The following TOM1L2 variants were observed in gnomAD, a reference collection of about 807,000 sequenced individuals.
TOM1L2 encodes TOM1-like protein 2.
A neutral mutation model predicts 67.9 loss-of-function variants in TOM1L2; 31 were observed. The ratio of observed to expected loss-of-function variants is 0.46; its 90% CI spans 0.34 to 0.62. The LOEUF is 0.62. Ranked by LOEUF, TOM1L2 falls within the 20% of genes least tolerant of loss-of-function variation. TOM1L2 has a pLI of 0.01. For missense variants in TOM1L2, 606 were observed against 663.5 expected, an observed-to-expected ratio of 0.91 and a Z score of 0.95; for synonymous variants, 256 against 254.0, an observed-to-expected ratio of 1.01 and a Z score of -0.07.
At chr17:17,860,404 A>C (rs533597780) in intron 12 of TOM1L2, among the ~76,000 whole-genome samples, 3 of 152,364 alleles carry the variant, frequency 2.0e-5, no homozygotes, top group African/African-American at 7.2e-5. Context: ...TCTGGTGACC[A>C]GTGCAGAGGG....
chr17:17,901,949 C>T (rs1311940422), intron 2 of TOM1L2, among the ~76,000 whole-genome samples: 2 of 152,150 alleles, frequency 1.3e-5, no homozygotes, highest in Admixed American at 1.3e-4. Flanking sequence ...TTTAGAAGCC[C>T]AAGGCAGGTG....
At chr17:17,894,963 ACATACATACATACATGCATG>A (rs2038484303) in intron 3 of TOM1L2, among the ~76,000 whole-genome samples, 1 of 141,604 alleles carries the variant, frequency 7.1e-6, no homozygotes, top group Admixed American at 6.8e-5. Context: ...ATACATACAT[ACATACATACATACATGCATG>A]CATGCATGCA....
chr17:17,853,067 T>A (rs1208078256), intron 12 of TOM1L2, among the ~76,000 whole-genome samples: 1 of 152,116 alleles, frequency 6.6e-6, no homozygotes, highest in Non-Finnish European at 1.5e-5. Flanking sequence ...TAGGGTACAC[T>A]GCTACTCTGT....
intron 6 of TOM1L2, 136 bp downstream of exon 6, chr17:17,882,569 G>C: frequency 8.3e-7 from 1 of 1,201,398 alleles, no homozygotes; most frequent in Non-Finnish European, 1.2e-6. Context: ...CTCTCCCCTG[G>C]GGATTGAGCC....
rs1182027591 is a variant in TOM1L2 at position 17,882,711 on chromosome 17, T to G, written c.654A>C (p.Ser218=). ...LSVTGPITAN[S]EQIARLRSEL... ...CCCCGAAGTATGCAAGTACCTGTTC[T>G]GAATTGGCTGTGATGGGGCCAGTCA... Residue 218 remains serine, a synonymous_variant, in exon 6 of 15, where the codon TCA becomes TCC. Coordinates refer to ENST00000379504, the MANE Select transcript of TOM1L2 (RefSeq NM_001082968.2). 6.2e-7 allele frequency: 1 copy of G among 1,614,162 alleles called. No individual in the cohort carries two copies. The highest frequency in any genetic ancestry group is 1.1e-5 in the South Asian group (1 of 91,088).
intron 12 of TOM1L2, chr17:17,859,706 C>A (rs1410568228): frequency 6.6e-6 from 1 of 152,176 alleles, no homozygotes; most frequent in African/African-American, 2.4e-5. Flanking sequence ...TATAGTGAAA[C>A]CCTGTCTCTA....
rs183123479 is a variant in TOM1L2 at position 17,877,640 on chromosome 17, G to A, written c.777+1987C>T. ...AGCCAGGACGGCTGTGTCTGTTCAC[G>A]GCTGTCCACAGTGCTGCCCAGCTCC... is the stretch of plus-strand genomic sequence containing the variant. On this transcript the variant is annotated intron_variant, in intron 7 of 14. Coordinates refer to ENST00000379504, the MANE Select transcript of TOM1L2 (RefSeq NM_001082968.2). 7.0e-3 allele frequency among the ~76,000 whole-genome samples: 1,069 copies of A among 152,200 alleles called. 8 individuals carry two copies. Among genetic ancestry groups the A allele is most frequent in the South Asian group, 0.013 (60 of 4,800 alleles).
intron 2 of TOM1L2, among the ~76,000 whole-genome samples, chr17:17,901,130 T>TA (rs2038833229): frequency 6.6e-6 from 1 of 152,184 alleles, no homozygotes; most frequent in Non-Finnish European, 1.5e-5. Context: ...CTCTGGGAAG[T>TA]ACTGGCCGAG....
chr17:17,906,521 G>A (rs1265384293), intron 2 of TOM1L2, among the ~76,000 whole-genome samples: 2 of 152,036 alleles, frequency 1.3e-5, no homozygotes, highest in Non-Finnish European at 2.9e-5. Context: ...ATCTGACCAG[G>A]TTATATGTTT....
At chr17:17,864,565 G>T (rs2036743203) in intron 10 of TOM1L2, among the ~76,000 whole-genome samples, 1 of 149,880 alleles carries the variant, frequency 6.7e-6, no homozygotes. Context: ...AGGCTGCAGT[G>T]CAGTGGCACA....
intron 1 of TOM1L2, among the ~76,000 whole-genome samples, chr17:17,920,567 T>A (rs2039819314): frequency 6.6e-6 from 1 of 151,962 alleles, no homozygotes; most frequent in South Asian, 2.1e-4. Context: ...CTCGAACTCC[T>A]GACCTCGTGA....
chr17:17,937,074 G>A (rs2040541582), intron 1 of TOM1L2, among the ~76,000 whole-genome samples: 1 of 152,170 alleles, frequency 6.6e-6, no homozygotes, highest in African/African-American at 2.4e-5. Flanking sequence ...ACAAATGCCA[G>A]GGGAGCAGAA....
rs1419209386 is a variant in TOM1L2, at chr17:17,866,312, G to C, written c.1068C>G (p.Ser356=). 6.2e-7 allele frequency: 1 copy of C among 1,612,948 alleles called. No individual in the cohort carries two copies. Among genetic ancestry groups the C allele is most frequent in the Non-Finnish European group, 8.5e-7 (1 of 1,179,578 alleles). ...GACACTCACCTAAGCCTGCAAGCTG[G>C]GAGGAGAGGGAAGATGGGGGCGCTG... ...GNTAPPSSLS[S]QLAGLDLGTE... Residue 356 remains serine, a synonymous_variant, in exon 10 of 15, where the codon TCC becomes TCG. Transcript: ENST00000379504.
At chr17:17,885,950 T>C (rs1236918830) in intron 4 of TOM1L2, among the ~76,000 whole-genome samples, 1 of 119,342 alleles carries the variant, frequency 8.4e-6, no homozygotes, top group Non-Finnish European at 1.9e-5. Flanking sequence ...AAAAAAAAAA[T>C]TCTGTTCTTT....
intron 1 of TOM1L2, among the ~76,000 whole-genome samples, chr17:17,919,781 G>A (rs1366735536): frequency 6.6e-6 from 1 of 152,156 alleles, no homozygotes; most frequent in Non-Finnish European, 1.5e-5. Context: ...TGGAGAAACA[G>A]AAGAGAGAAT....
In TOM1L2 at chr17:17,844,867, T is replaced by A. The variant is rs1370605588; in HGVS notation, c.*2768A>T. 1 of 152,430 alleles carries A rather than the reference T, an allele frequency of 6.6e-6. No homozygotes were observed. The highest frequency in any genetic ancestry group is 2.4e-5 in the African/African-American group (1 of 41,480). 9.4% of individuals were successfully genotyped at this position (152,430 alleles called of 1,614,324 possible). A position where few individuals can be genotyped will look rare whatever the true frequency, so the allele number is the denominator to read the frequency against. ...AAATATTTTAACCTATAATCAGGTA[T>A]AATTAGTGCTTATAAGGAATCCCAG... On this transcript the variant is annotated 3_prime_UTR_variant, in exon 15 of 15. Transcript: ENST00000379504.
At chr17:17,937,195 T>G (rs2144751092) in intron 1 of TOM1L2, among the ~76,000 whole-genome samples, 1 of 152,364 alleles carries the variant, frequency 6.6e-6, no homozygotes, top group African/African-American at 2.4e-5. Context: ...TGGCAGGCTA[T>G]TCAACATGAA....
chr17:17,861,647 C>T, intron 11 of TOM1L2, 96 bp from the exon 12 acceptor site: 1 of 1,065,352 alleles, frequency 9.4e-7, no homozygotes, highest in Non-Finnish European at 1.4e-6. Flanking sequence ...TCCTATGGTC[C>T]TTCCTCAGAT....
chr17:17,880,297 A>G (rs2037654197), intron 6 of TOM1L2, among the ~76,000 whole-genome samples: 1 of 152,182 alleles, frequency 6.6e-6, no homozygotes, highest in African/African-American at 2.4e-5. Flanking sequence ...ACAGGGGAAG[A>G]CGACAGGGGA....
Sources: gnomAD v4.1 joint callset for allele counts (sites outside exome capture counted in the v4.1 genomes callset) on GRCh38, gnomAD v4.1.1 for gene constraint, MANE v1.5 for transcripts, NCBI Gene and HGNC (gene_info 2026-07-23, HGNC 2026-07-21) for gene names.